PRTG: variants seen among roughly 807,000 people sequenced by gnomAD.
The protein encoded by PRTG is protogenin.
In PRTG, 67 loss-of-function variants were observed where a neutral mutation model predicts 122.5. That is an observed-to-expected ratio of 0.55 (90% CI 0.45 to 0.67). The LOEUF (loss-of-function observed/expected upper bound fraction) is 0.67. Ranked by LOEUF, PRTG falls within the 30% of genes least tolerant of loss-of-function variation. The probability of loss-of-function intolerance (pLI) is 0.00; values close to 1 mark genes in which losing one functional copy is unlikely to be tolerated. For missense variants in PRTG, 1,435 were observed against 1,415.4 expected, an observed-to-expected ratio of 1.01 and a Z score of -0.22; for synonymous variants, 554 against 501.1, an observed-to-expected ratio of 1.11 and a Z score of -1.41.
At position 55,740,590 on chromosome 15, in the gene PRTG, G is replaced by A. The variant is rs769934023; in HGVS notation, c.189C>T (p.His63=). ...KDPVVLDCQA[H]GEVPIKVTWL... ...ATGTGACCTTAATAGGAACTTCTCC[G>A]TGAGCCTGGCAATCTAAAACGACTG... Residue 63 remains histidine (H), a synonymous_variant, in exon 2 of 20, where the codon CAC becomes CAT. Coordinates refer to ENST00000389286, the MANE Select transcript of PRTG (RefSeq NM_173814.6). The A allele has an allele frequency of 3.1e-6, 5 of 1,613,244 alleles. No individual in the cohort carries two copies. Among genetic ancestry groups the A allele is most frequent in the Non-Finnish European group, 1.7e-6 (2 of 1,179,586 alleles).
intron 2 of PRTG, among the ~76,000 whole-genome samples, chr15:55,690,301 T>C (rs1472424486): frequency 2.0e-5 from 3 of 152,232 alleles, no homozygotes; most frequent in African/African-American, 7.2e-5. Context: ...TCAATGAATA[T>C]GCATTCAGTG....
At position 55,675,530 on chromosome 15, in the gene PRTG, G is replaced by A; in HGVS notation, c.1535C>T (p.Thr512Ile). ...TCATGTTTTCTTACCATCCTCTAGAGTATTCTGTGTCACATGGTCAGACAT... is the reference window on the plus strand; with the variant it reads ...TCATGTTTTCTTACCATCCTCTAGAATATTCTGTGTCACATGGTCAGACAT... ...SQMSDHVTQNTLEDVPLRPPE... is the reference protein window; with the variant it reads ...SQMSDHVTQNILEDVPLRPPE... The change falls in exon 9 of 20, where the codon ACT (threonine) becomes ATT (isoleucine). Residue 512 changes from threonine (T) to isoleucine (I), a missense_variant. Physicochemically the swap from Thr to Ile is moderately conservative, Grantham distance 89. Coordinates refer to ENST00000389286, the MANE Select transcript of PRTG (RefSeq NM_173814.6). 1 of 1,609,508 alleles carries A rather than the reference G, an allele frequency of 6.2e-7. No individual in the cohort carries two copies. The highest frequency in any genetic ancestry group is 8.5e-7 in the Non-Finnish European group (1 of 1,176,914).
At chr15:55,690,202 T>C (rs2059593087) in intron 2 of PRTG, among the ~76,000 whole-genome samples, 1 of 152,194 alleles carries the variant, frequency 6.6e-6, no homozygotes, top group South Asian at 2.1e-4. Flanking sequence ...GATAAAATAA[T>C]GGACCAGATT....
intron 11 of PRTG, among the ~76,000 whole-genome samples, chr15:55,653,406 C>T (rs753224296): frequency 1.2e-4 from 18 of 152,062 alleles, no homozygotes; most frequent in Admixed American, 4.6e-4. Flanking sequence ...GTTCTTTGTA[C>T]GTGTCCTTTG....
intron 15 of PRTG, among the ~76,000 whole-genome samples, chr15:55,633,568 G>T (rs2059239635): frequency 6.6e-6 from 1 of 152,124 alleles, no homozygotes; most frequent in African/African-American, 2.4e-5. Context: ...ATGTAAATAT[G>T]TATAAACCTA....
At chr15:55,683,526 A>G (rs146592627) in intron 3 of PRTG, among the ~76,000 whole-genome samples, 3 of 152,310 alleles carry the variant, frequency 2.0e-5, no homozygotes, top group Non-Finnish European at 4.4e-5. Context: ...CAGTCCAGAT[A>G]GTCATGGTTA....
intron 2 of PRTG, among the ~76,000 whole-genome samples, chr15:55,706,014 ATTT>A (rs56275705): frequency 0.26 from 24,375 of 94,364 alleles, 3,032 homozygotes; most frequent in East Asian, 0.68. Flanking sequence ...TGCCCAGCTA[ATTT>A]TTTTTTTTTT....
intron 11 of PRTG, among the ~76,000 whole-genome samples, chr15:55,665,827 T>G (rs1223177384): frequency 6.6e-6 from 1 of 152,194 alleles, no homozygotes; most frequent in East Asian, 1.9e-4. Flanking sequence ...AGTGCTGGGA[T>G]TACAGACATG....
At chr15:55,720,698 T>C (rs893017032) in intron 2 of PRTG, among the ~76,000 whole-genome samples, 2 of 152,212 alleles carry the variant, frequency 1.3e-5, no homozygotes, top group Non-Finnish European at 2.9e-5. Context: ...CAGCTGAGTA[T>C]CTGTTCAGCA....
chr15:55,659,691 C>T (rs111944388), intron 11 of PRTG, among the ~76,000 whole-genome samples: 177 of 152,142 alleles, frequency 1.2e-3, no homozygotes, highest in Admixed American at 3.5e-3. Context: ...TTTGGGAGGC[C>T]GAGGCGGACG....
At chr15:55,732,546 G>A (rs945790754) in intron 2 of PRTG, among the ~76,000 whole-genome samples, 4 of 141,440 alleles carry the variant, frequency 2.8e-5, no homozygotes, top group Non-Finnish European at 6.0e-5. Flanking sequence ...CCAGGCTGAA[G>A]TGCAATGGCG....
intron 2 of PRTG, among the ~76,000 whole-genome samples, chr15:55,732,493 C>CTTT (rs35478271): frequency 1.1e-4 from 14 of 130,298 alleles, no homozygotes; most frequent in Non-Finnish European, 1.1e-4. Context: ...CCAGGGTAAA[C>CTTT]TTTTTTTTTT....
In PRTG at chr15:55,672,526, A is replaced by G; in HGVS notation, c.1960T>C (p.Tyr654His). Residue 654 changes from tyrosine (Y) to histidine (H), a missense_variant, in exon 11 of 20, where the codon TAC (tyrosine) becomes CAC (histidine). Tyr to His is a moderately conservative substitution (Grantham distance 83, BLOSUM62 2). Coordinates refer to ENST00000389286, the MANE Select transcript of PRTG (RefSeq NM_173814.6). ...DTAAIQGYKLYYKEEGQQENG... is the reference protein window; with the variant it reads ...DTAAIQGYKLHYKEEGQQENG... ...TCCTGCTGCCCTTCTTCCTTGTAGT[A>G]CAGCTTGTAGCCCTGAATAGCAGCT... 6.2e-7 allele frequency: 1 copy of G among 1,614,094 alleles called. No individual in the cohort carries two copies. Among genetic ancestry groups the G allele is most frequent in the South Asian group, 1.1e-5 (1 of 91,072 alleles).
In PRTG at chr15:55,637,299, C is replaced by T. The variant is rs1336591662; in HGVS notation, c.2494G>A (p.Glu832Lys). The T allele has an allele frequency of 3.7e-6, 6 of 1,613,562 alleles. No homozygotes were observed. The South Asian group carries it at 5.5e-5, about 15-fold the overall frequency. The stretch of plus-strand genomic sequence containing the variant: ...CAAGAAACCAGGGCAGTGTCATCCT[C>T]TATTAATGTCACTTTTACTCCAACT... ...PPVGVKVTLI[E>K]DDTALVSWKP... Residue 832 changes from glutamate (E) to lysine (K), a missense_variant, in exon 15 of 20, where the codon GAG (glutamate) becomes AAG (lysine). Coordinates refer to ENST00000389286, the MANE Select transcript of PRTG (RefSeq NM_173814.6).
chr15:55,651,295 C>T (rs11637959), intron 11 of PRTG, among the ~76,000 whole-genome samples: 1 of 151,948 alleles, frequency 6.6e-6, no homozygotes, highest in African/African-American at 2.4e-5. Flanking sequence ...TACATTCAAC[C>T]TACGCAAATG....
At chr15:55,732,880 C>A (rs1453946002) in intron 2 of PRTG, among the ~76,000 whole-genome samples, 3 of 152,090 alleles carry the variant, frequency 2.0e-5, no homozygotes, top group African/African-American at 4.8e-5. Flanking sequence ...AGGTAGTAGG[C>A]CAAACACATT....
chr15:55,666,938 T>C (rs539003047), intron 11 of PRTG, among the ~76,000 whole-genome samples: 2 of 152,306 alleles, frequency 1.3e-5, no homozygotes, highest in East Asian at 1.9e-4. Flanking sequence ...TGAAGTCAAA[T>C]CCAGGCAACA....
At chr15:55,673,253 T>C (rs1236199757) in intron 10 of PRTG, 118 bp downstream of exon 10, 53 of 765,554 alleles carry the variant, frequency 6.9e-5, no homozygotes, top group Non-Finnish European at 1.0e-4. Context: ...AAGTCCATCA[T>C]CTATGGAATA....
intron 2 of PRTG, among the ~76,000 whole-genome samples, chr15:55,710,516 A>G (rs1285543833): frequency 6.6e-6 from 1 of 152,210 alleles, no homozygotes; most frequent in Admixed American, 6.5e-5. Context: ...TGCCTGAAAG[A>G]TGTGGATCTG....
Sources: allele counts gnomAD v4.1 joint callset (sites outside exome capture counted in the v4.1 genomes callset), GRCh38; gene constraint gnomAD v4.1.1; transcripts MANE v1.5; gene names NCBI Gene and HGNC (gene_info 2026-07-23, HGNC 2026-07-21).